HPN: variants seen among roughly 807,000 people sequenced by gnomAD.
HPN encodes serine protease hepsin.
A neutral mutation model predicts 55.9 loss-of-function variants in HPN; 13 were observed. That is an observed-to-expected ratio of 0.23 (90% CI 0.15 to 0.37). HPN has a LOEUF of 0.37. HPN is among the 10% of genes least tolerant of loss of function. The pLI, the probability that HPN is intolerant of heterozygous loss-of-function variation, is 1.00. For missense variants in HPN, 451 were observed against 575.8 expected, an observed-to-expected ratio of 0.78 and a Z score of 2.22; for synonymous variants, 225 against 240.3, an observed-to-expected ratio of 0.94 and a Z score of 0.59.
rs1178254453 is a variant in HPN, at chr19:35,064,849, T to G, written c.812-401T>G. 4.0e-5 allele frequency among the ~76,000 whole-genome samples: 6 copies of G among 151,898 alleles called. No homozygotes were observed. In the East Asian group the frequency reaches 1.2e-3, roughly 30 times the overall value. ...TTGTTTGTTTGTTTTTGAGACAGAG[T>G]CTTGCTCTGTCGCCCAGGCTGGAGT... On this transcript the variant is annotated intron_variant, in intron 9 of 12. Transcript: ENST00000672452.
chr19:35,055,916 C>T (rs1005375291), intron 4 of HPN, among the ~76,000 whole-genome samples: 1 of 152,186 alleles, frequency 6.6e-6, no homozygotes, highest in Non-Finnish European at 1.5e-5. Flanking sequence ...GGGCCCTCCC[C>T]TGGCTGCACC....
At chr19:35,064,636 C>T (rs2064579879) in intron 9 of HPN, among the ~76,000 whole-genome samples, 1 of 152,014 alleles carries the variant, frequency 6.6e-6, no homozygotes, top group Non-Finnish European at 1.5e-5. Context: ...TGAAAACAAG[C>T]TGTGTTAAAA....
upstream of HPN, chr19:35,041,668 T>C: frequency 1.7e-6 from 2 of 1,158,038 alleles, no homozygotes; most frequent in Non-Finnish European, 2.2e-6. Context: ...AATCGAATGG[T>C]CCGGCCCCTC....
intron 4 of HPN, among the ~76,000 whole-genome samples, chr19:35,053,805 G>A (rs1190693700): frequency 3.3e-5 from 5 of 151,290 alleles, no homozygotes; most frequent in African/African-American, 9.7e-5. Flanking sequence ...CGCCCCAGTT[G>A]GTGTTTCAAA....
At chr19:35,048,671 A>G (rs2064372000) in intron 2 of HPN, among the ~76,000 whole-genome samples, 1 of 152,100 alleles carries the variant, frequency 6.6e-6, no homozygotes, top group African/African-American at 2.4e-5. Flanking sequence ...AGGAAGGAAG[A>G]TCGCTTCAGC....
chr19:35,059,910 G>A lies in HPN; in HGVS notation c.327G>A (p.Ala109=). 3 of 1,501,920 alleles carry A rather than the reference G, an allele frequency of 2.0e-6. No homozygotes were observed. Among genetic ancestry groups the A allele is most frequent in the Non-Finnish European group, 2.7e-6 (3 of 1,125,622 alleles). The allele number at this position is 1,501,920 out of a possible 1,614,324, so 93.0% of individuals were successfully genotyped here. ...ACTCCGAGCTGGACGTGCGAACGGC[G>A]GGCGCCAATGGCACGTCGGGCTTCT... ...LTHSELDVRT[A]GANGTSGFFC... is the part of the protein sequence containing the mutation. Residue 109 remains alanine (A), a synonymous_variant, in exon 6 of 13, where the codon GCG becomes GCA. Transcript: ENST00000672452.
chr19:35,062,302 T>C (rs1018771000), intron 9 of HPN, among the ~76,000 whole-genome samples: 6 of 152,168 alleles, frequency 3.9e-5, no homozygotes, highest in Non-Finnish European at 8.8e-5. Context: ...GTTGCACTTG[T>C]CTGTGACTAC....
chr19:35,065,830 A>T, intron 11 of HPN, 38 bp from the exon 12 acceptor site: 1 of 1,611,508 alleles, frequency 6.2e-7, no homozygotes, highest in Non-Finnish European at 8.5e-7. Context: ...CTGTCCAACC[A>T]CTTTGGCCTT....
At position 35,066,331 on chromosome 19, in the gene HPN, C is replaced by A; in HGVS notation, c.*44C>A. The A allele has an allele frequency of 1.3e-6, 2 of 1,591,168 alleles. No homozygotes were observed. The highest frequency in any genetic ancestry group is 1.7e-6 in the Non-Finnish European group (2 of 1,170,254). ...GCAGCCTCCAGGGCCCGAGGTGATC[C>A]CGGTGGTGGGATCCACGCTGGGCCT... is the stretch of plus-strand genomic sequence containing the variant. On this transcript the variant is annotated 3_prime_UTR_variant, in exon 13 of 13. Transcript: ENST00000672452.
chr19:35,063,950 C>T (rs2064568101), intron 9 of HPN, among the ~76,000 whole-genome samples: 1 of 152,152 alleles, frequency 6.6e-6, no homozygotes, highest in African/African-American at 2.4e-5. Flanking sequence ...TAGAGAACTG[C>T]CAGCACATAG....
At chr19:35,054,310 C>T (rs1054751195) in intron 4 of HPN, among the ~76,000 whole-genome samples, 1 of 150,514 alleles carries the variant, frequency 6.6e-6, no homozygotes, top group African/African-American at 2.4e-5. Context: ...CCCAGCTACT[C>T]GGGAGGCTGA....
intron 4 of HPN, among the ~76,000 whole-genome samples, chr19:35,050,285 G>A (rs942687838): frequency 2.0e-5 from 3 of 152,208 alleles, no homozygotes; most frequent in African/African-American, 7.2e-5. Context: ...ACCATGCCCA[G>A]TTAATTTTTT....
At chr19:35,046,416 T>C (rs566172420) in intron 2 of HPN, among the ~76,000 whole-genome samples, 12 of 152,160 alleles carry the variant, frequency 7.9e-5, no homozygotes, top group Non-Finnish European at 1.5e-4. Context: ...AGCTAATTTT[T>C]GTATTTTTAG....
chr19:35,045,340 C>G (rs1418872621), intron 2 of HPN, among the ~76,000 whole-genome samples: 3 of 152,094 alleles, frequency 2.0e-5, no homozygotes, highest in Non-Finnish European at 4.4e-5. Flanking sequence ...TCAGGTGCGC[C>G]TGGTGTCCCA....
upstream of HPN, among the ~76,000 whole-genome samples, chr19:35,040,796 C>G (rs549588395): frequency 6.6e-6 from 1 of 152,260 alleles, no homozygotes; most frequent in African/African-American, 2.4e-5. Context: ...GGAAGCCAGG[C>G]TAAACCAGCG....
Position 35,065,684 on chromosome 19 carries a change from G to A in HPN, c.1050+3G>A. 1.9e-6 allele frequency: 3 copies of A among 1,614,042 alleles called. No individual in the cohort carries two copies. Among genetic ancestry groups the A allele is most frequent in the Non-Finnish European group, 2.5e-6 (3 of 1,180,020 alleles). On this transcript the variant is annotated splice_donor_region_variant and intron_variant, in intron 11 of 12. Transcript: ENST00000672452. The stretch of plus-strand genomic sequence containing the variant: ...AGGGTGGCATTGATGCCTGCCAGGT[G>A]AGGGACTCTGTAGGGGCAGCCCCCT...
chr19:35,044,336 G>T (rs960049940), intron 2 of HPN, among the ~76,000 whole-genome samples: 1 of 152,216 alleles, frequency 6.6e-6, no homozygotes, highest in African/African-American at 2.4e-5. Context: ...CAGGCAGAGG[G>T]AAGAGCAAGG....
intron 2 of HPN, among the ~76,000 whole-genome samples, chr19:35,046,844 T>A (rs754379484): frequency 2.8e-5 from 4 of 142,450 alleles, no homozygotes; most frequent in South Asian, 2.2e-4. Flanking sequence ...TTATTTATTT[T>A]TTGAGACAGA....
rs888325635 is a variant in HPN at position 35,044,997 on chromosome 19, G to A, written c.16+2475G>A. 3.3e-5 allele frequency among the ~76,000 whole-genome samples: 5 copies of A among 152,144 alleles called. No homozygotes were observed. The South Asian group carries it at 1.0e-3, about 32-fold the overall frequency. Reference sequence around the variant, plus strand: ...TGTTATGCAGATGGGGATGGTCCTAGGAGTGAGGGCCTCTGAGACAGGACC... The same window carrying A: ...TGTTATGCAGATGGGGATGGTCCTAAGAGTGAGGGCCTCTGAGACAGGACC... On this transcript the variant is annotated intron_variant, in intron 2 of 12. Transcript: ENST00000672452.
Sources: gnomAD v4.1 joint callset for allele counts (sites outside exome capture counted in the v4.1 genomes callset) on GRCh38, gnomAD v4.1.1 for gene constraint, MANE v1.5 for transcripts, NCBI Gene and HGNC (gene_info 2026-07-23, HGNC 2026-07-21) for gene names.